SPAG17: variants seen among roughly 807,000 people sequenced by gnomAD.
The protein encoded by SPAG17 is sperm-associated antigen 17.
Under a neutral mutation model 273.6 loss-of-function variants are expected in SPAG17, and 169 were observed. The ratio of observed to expected loss-of-function variants is 0.62; its 90% confidence interval spans 0.55 to 0.70. The LOEUF is 0.70. SPAG17 is among the 30% of genes least tolerant of loss of function. The probability of loss-of-function intolerance (pLI) is 0.00; values close to 1 mark genes in which losing one functional copy is unlikely to be tolerated. For missense variants in SPAG17, 2,557 were observed against 2,627.8 expected (o/e 0.97, Z 0.59); for synonymous variants, 825 against 873.2 (o/e 0.94, Z 0.97).
chr1:117,999,114 AATG>A (rs774959148), intron 32 of SPAG17, among the ~76,000 whole-genome samples: 20 of 151,924 alleles, frequency 1.3e-4, no homozygotes, highest in South Asian at 6.2e-4. Context: ...GTTTTCTGAG[AATG>A]ATGTTTCCAG....
chr1:118,132,213 G>A (rs554765793), intron 3 of SPAG17, among the ~76,000 whole-genome samples: 48 of 152,298 alleles, frequency 3.2e-4, no homozygotes, highest in African/African-American at 1.1e-3. Flanking sequence ...ATCAGTGGGG[G>A]TGGCTATGAC....
At chr1:117,954,186 T>A in intron 48 of SPAG17, 137 bp from the exon 49 acceptor site, 1 of 1,105,862 alleles carries the variant, frequency 9.0e-7, no homozygotes, top group Non-Finnish European at 1.3e-6. Flanking sequence ...TTAACTAAGA[T>A]CAGGATATGC....
rs770605982 is a variant in SPAG17, at chr1:118,008,041, T to C, written c.4587+3A>G. The C allele has an allele frequency of 6.2e-7, 1 of 1,613,948 alleles. No individual in the cohort carries two copies. The highest frequency in any genetic ancestry group is 8.5e-7 in the Non-Finnish European group (1 of 1,179,874). ...GCGCTTCTCATTTTCCTCGTAGACC[T>C]ACCTGGTATGTTCCCTGTGGCTTTG... On this transcript the variant is annotated splice_donor_region_variant and intron_variant, in intron 31 of 48. Coordinates refer to ENST00000336338, the MANE Select transcript of SPAG17 (RefSeq NM_206996.4).
intron 46 of SPAG17, among the ~76,000 whole-genome samples, chr1:117,967,663 T>TC (rs150162246): frequency 0.045 from 6,897 of 152,206 alleles, 334 homozygotes; most frequent in South Asian, 0.13. Flanking sequence ...ACTGCTTAGT[T>TC]TGAAAACCCG....
chr1:117,984,677 A>C lies in SPAG17; in HGVS notation c.5769+6T>G. The C allele has an allele frequency of 6.5e-7, 1 of 1,549,198 alleles. No homozygotes were observed. Reference sequence around the variant, plus strand: ...TATTAGATTATAGTTCATTATATTCAATTACCTGAGACTGATATAACTGGT... The same window carrying C: ...TATTAGATTATAGTTCATTATATTCCATTACCTGAGACTGATATAACTGGT... On this transcript the variant is annotated splice_donor_region_variant and intron_variant, in intron 41 of 48. Transcript: ENST00000336338.
intron 32 of SPAG17, among the ~76,000 whole-genome samples, chr1:117,997,422 T>A (rs1026987502): frequency 6.6e-6 from 1 of 151,898 alleles, no homozygotes; most frequent in Non-Finnish European, 1.5e-5. Flanking sequence ...AGAGTTTCAG[T>A]TACTTAGCAA....
At position 118,185,226 on chromosome 1, in the gene SPAG17, A is replaced by G. The variant is rs1661139123; in HGVS notation, c.-69T>C. 7.7e-7 allele frequency: 1 copy of G among 1,290,912 alleles called. No homozygotes were observed. The highest frequency in any genetic ancestry group is 1.1e-6 in the Non-Finnish European group (1 of 887,366). The allele number at this position is 1,290,912 out of a possible 1,614,324, so 80.0% of individuals were successfully genotyped here. The stretch of plus-strand genomic sequence containing the variant: ...CCTGCCTAAGCGTCCCCGCTACCAC[A>G]GTAACCGAAGCCACGCCCAGTTCCT... On this transcript the variant is annotated 5_prime_UTR_variant, in exon 1 of 49. Transcript: ENST00000336338.
chr1:117,988,428 G>A (rs1454191003), intron 38 of SPAG17, among the ~76,000 whole-genome samples: 1 of 152,168 alleles, frequency 6.6e-6, no homozygotes, highest in African/African-American at 2.4e-5. Flanking sequence ...AATGTAAAAT[G>A]CAGTGATATC....
chr1:118,145,092 T>C (rs1658899124), intron 3 of SPAG17, among the ~76,000 whole-genome samples: 1 of 152,210 alleles, frequency 6.6e-6, no homozygotes, highest in Non-Finnish European at 1.5e-5. Flanking sequence ...CCTTCGTTTC[T>C]TCCATGACAT....
At position 117,963,956 on chromosome 1, in the gene SPAG17, G is replaced by T. The variant is rs1291511780; in HGVS notation, c.6533-18C>A. 1 of 1,601,790 alleles carries T rather than the reference G, an allele frequency of 6.2e-7. No homozygotes were observed. The highest frequency in any genetic ancestry group is 8.5e-7 in the Non-Finnish European group (1 of 1,174,104). ...TAAAACAGGTAAAATACTTGTTAAG[G>T]GCTGTGCTTTTCATGACTAAATTAT... On this transcript the variant is annotated intron_variant, in intron 47 of 48. Transcript: ENST00000336338.
chr1:117,986,761 T>C (rs559977042), intron 40 of SPAG17, among the ~76,000 whole-genome samples: 10 of 152,186 alleles, frequency 6.6e-5, no homozygotes, highest in Non-Finnish European at 1.3e-4. Context: ...CCTTAAAATA[T>C]GGCACCTTGA....
Position 118,040,863 on chromosome 1 carries a change from T to G in SPAG17, c.3055-22A>C, listed in dbSNP as rs1649672484. The G allele has an allele frequency of 2.1e-6, 3 of 1,460,766 alleles. No individual in the cohort carries two copies. The East Asian group carries it at 6.8e-5, about 33-fold the overall frequency. The allele number at this position is 1,460,766 out of a possible 1,614,324, so 90.5% of individuals were successfully genotyped here. A position where few individuals can be genotyped will look rare whatever the true frequency, so the allele number is the denominator to read the frequency against. ...GAAACTAGAAGAGAAAATATTATGC[T>G]TTGAGTGTGAAGCTGCAATAGACAA... On this transcript the variant is annotated intron_variant, in intron 21 of 48. Coordinates refer to ENST00000336338, the MANE Select transcript of SPAG17 (RefSeq NM_206996.4).
intron 20 of SPAG17, among the ~76,000 whole-genome samples, chr1:118,047,485 G>A (rs560941817): frequency 3.6e-4 from 55 of 151,932 alleles, no homozygotes; most frequent in African/African-American, 1.2e-3. Context: ...CAGTGGTCGC[G>A]TACTCCAGGC....
chr1:118,124,273 G>T (rs1657580923), intron 3 of SPAG17, among the ~76,000 whole-genome samples: 1 of 151,984 alleles, frequency 6.6e-6, no homozygotes, highest in African/African-American at 2.4e-5. Context: ...AGTCATTCTT[G>T]GTCCTTGCAG....
intron 18 of SPAG17, among the ~76,000 whole-genome samples, chr1:118,058,283 CA>C (rs1553241051): frequency 6.6e-6 from 1 of 152,150 alleles, no homozygotes; most frequent in Non-Finnish European, 1.5e-5. Context: ...TCATGTCTCA[CA>C]GGTGCCTCAA....
At chr1:118,039,815 C>T (rs576727808) in intron 22 of SPAG17, among the ~76,000 whole-genome samples, 1 of 152,110 alleles carries the variant, frequency 6.6e-6, no homozygotes, top group South Asian at 2.1e-4. Flanking sequence ...AATATAAAAC[C>T]AGGGAGAGGA....
chr1:118,126,044 T>C (rs1033209562), intron 3 of SPAG17, among the ~76,000 whole-genome samples: 1 of 5,576 alleles, frequency 1.8e-4, no homozygotes, highest in African/African-American at 1.9e-4. Context: ...TTATTTTCTG[T>C]TTTTTTTTTT....
chr1:117,976,119 G>C (rs534481020), intron 43 of SPAG17, among the ~76,000 whole-genome samples: 1 of 152,148 alleles, frequency 6.6e-6, no homozygotes, highest in Non-Finnish European at 1.5e-5. Context: ...GGTAGAGCCT[G>C]TACTCTTAGC....
intron 5 of SPAG17, 37 bp downstream of exon 5, chr1:118,101,703 T>G: frequency 6.3e-7 from 1 of 1,590,156 alleles, no homozygotes; most frequent in East Asian, 2.2e-5. Context: ...TGTGTTTCAC[T>G]CGTGAAAGGC....
Sources: allele counts gnomAD v4.1 joint callset (sites outside exome capture counted in the v4.1 genomes callset), GRCh38; gene constraint gnomAD v4.1.1; transcripts MANE v1.5; gene names NCBI Gene and HGNC (gene_info 2026-07-23, HGNC 2026-07-21).